The following NECTIN1 variants were observed in gnomAD, a reference collection of about 807,000 sequenced individuals.
The protein encoded by NECTIN1 is nectin cell adhesion molecule 1.
In NECTIN1, 23 loss-of-function variants were observed where a neutral mutation model predicts 48.0. That is an observed-to-expected ratio of 0.48 (90% CI 0.34 to 0.68). NECTIN1 has a LOEUF of 0.68. Among genes scored for constraint, NECTIN1 ranks in the 30% least tolerant of loss-of-function variants. The pLI, the probability that NECTIN1 is intolerant of heterozygous loss-of-function variation, is 0.01. For missense variants in NECTIN1, 591 were observed against 709.9 expected (o/e 0.83, Z 1.90); for synonymous variants, 270 against 288.9 (o/e 0.93, Z 0.66).
At chr11:119,642,261 G>C (rs1439091557) in intron 5 of NECTIN1, 1 of 152,086 alleles carries the variant, frequency 6.6e-6, no homozygotes, top group Non-Finnish European at 1.5e-5. Context: ...TGGATGCTAC[G>C]AATTCAGTTT....
downstream of NECTIN1, among the ~76,000 whole-genome samples, chr11:119,658,581 A>C (rs1864613089): frequency 6.6e-6 from 1 of 152,082 alleles, no homozygotes; most frequent in Non-Finnish European, 1.5e-5. Flanking sequence ...TCCTCCTCCA[A>C]CTTTCCCACC....
chr11:119,689,060 G>A (rs567607022), intron 1 of NECTIN1, among the ~76,000 whole-genome samples: 4 of 152,212 alleles, frequency 2.6e-5, no homozygotes, highest in African/African-American at 9.6e-5. Context: ...GTCAGGCAGC[G>A]TCTTCCTTCG....
At chr11:119,702,192 G>A (rs1337186931) in intron 1 of NECTIN1, among the ~76,000 whole-genome samples, 1 of 152,116 alleles carries the variant, frequency 6.6e-6, no homozygotes, top group African/African-American at 2.4e-5. Flanking sequence ...GGTCATCCTG[G>A]ACCTCCCCCT....
At chr11:119,694,325 G>A (rs533401547) in intron 1 of NECTIN1, among the ~76,000 whole-genome samples, 79 of 152,300 alleles carry the variant, frequency 5.2e-4, no homozygotes, top group Admixed American at 2.2e-3. Context: ...GTGTGATCAT[G>A]GCCCAGGAGC....
chr11:119,705,169 C>G (rs1591478546), intron 1 of NECTIN1, among the ~76,000 whole-genome samples: 1 of 152,122 alleles, frequency 6.6e-6, no homozygotes, highest in Non-Finnish European at 1.5e-5. Flanking sequence ...CCTTCATGAG[C>G]AGGAATTTCA....
intron 1 of NECTIN1, among the ~76,000 whole-genome samples, chr11:119,722,945 C>T (rs759396400): frequency 1.2e-4 from 19 of 152,180 alleles, no homozygotes; most frequent in Non-Finnish European, 2.2e-4. Flanking sequence ...TCTGTATTAA[C>T]AAAAACCTAT....
At chr11:119,718,692 G>A (rs988589423) in intron 1 of NECTIN1, among the ~76,000 whole-genome samples, 2 of 152,114 alleles carry the variant, frequency 1.3e-5, no homozygotes, top group Non-Finnish European at 2.9e-5. Context: ...GTGTGTGAGG[G>A]GGCCCAAATG....
At chr11:119,649,533 C>CA in intron 5 of NECTIN1, among the ~76,000 whole-genome samples, 1 of 151,970 alleles carries the variant, frequency 6.6e-6, no homozygotes, top group East Asian at 1.9e-4. Flanking sequence ...ACTAAAAATA[C>CA]AAAAAAATTA....
At position 119,678,362 on chromosome 11, in the gene NECTIN1, C is replaced by T. The variant is rs116878689; in HGVS notation, c.430+53G>A. ...TTGAGGCATCCTGAGGATGGCCACG[C>T]CCCGAGGTCACAGGCCTCTGGATGA... On this transcript the variant is annotated intron_variant, in intron 2 of 5. Transcript: ENST00000264025. The surrounding 1 kb of genome is among the most constrained non-coding windows in gnomAD (Gnocchi z 4.4). 1 of 1,526,066 alleles carries T rather than the reference C, an allele frequency of 6.6e-7. No homozygotes were observed. The highest frequency in any genetic ancestry group is 1.1e-5 in the South Asian group (1 of 89,290). 94.5% of individuals were successfully genotyped at this position (1,526,066 alleles called of 1,614,324 possible).
chr11:119,654,869 C>T (rs1187829775), intron 5 of NECTIN1, among the ~76,000 whole-genome samples: 1 of 150,480 alleles, frequency 6.6e-6, no homozygotes, highest in Non-Finnish European at 1.5e-5. Context: ...GTGCCCGGCC[C>T]AGGGACTTTT....
At position 119,677,947 on chromosome 11, in the gene NECTIN1, G is replaced by A; in HGVS notation, c.431-90C>T. ...AAGGGCGTGGCATCCGTCAGGCCTT[G>A]TCTTCAGGTCCCCTTGGCCATCCCT... On this transcript the variant is annotated intron_variant, in intron 2 of 5. Transcript: ENST00000264025. The surrounding 1 kb of genome is among the most constrained non-coding windows in gnomAD (Gnocchi z 5.4). The A allele has an allele frequency of 7.6e-7, 1 of 1,320,664 alleles. No homozygotes were observed. Among genetic ancestry groups the A allele is most frequent in the Non-Finnish European group, 1.1e-6 (1 of 933,360 alleles). 81.8% of individuals were successfully genotyped at this position (1,320,664 alleles called of 1,614,324 possible).
intron 5 of NECTIN1, among the ~76,000 whole-genome samples, chr11:119,649,616 G>A (rs1015400985): frequency 5.9e-5 from 9 of 152,142 alleles, no homozygotes; most frequent in African/African-American, 1.9e-4. Flanking sequence ...CTTGAACCCT[G>A]GAGGCGGAGG....
At chr11:119,659,872 ATTAAC>A (rs1864632143), downstream of NECTIN1, among the ~76,000 whole-genome samples, 1 of 152,252 alleles carries the variant, frequency 6.6e-6, no homozygotes, top group Admixed American at 6.5e-5. Context: ...CAAATTAAAA[ATTAAC>A]TTAAACGGAC....
rs747704881 is a variant in NECTIN1 at position 119,677,209 on chromosome 11, C to T, written c.744G>A (p.Glu248=). ...TGCCATCAAACCCCTCAATGGTTAC[C>T]TCAGGCTCATCTGTGGGGCAAGGGA... ...SLTLNVQYEP[E]VTIEGFDGNW... is the part of the protein sequence containing the mutation. Residue 248 remains glutamate (E), a synonymous_variant, in exon 4 of 6, where the codon GAG becomes GAA. Coordinates refer to ENST00000264025, the MANE Select transcript of NECTIN1 (RefSeq NM_002855.5). This position sits in a 1 kb window ranked among gnomAD's most constrained non-coding sequence, Gnocchi z 5.4. 13 of 1,613,886 alleles carry T rather than the reference C, an allele frequency of 8.1e-6. No homozygotes were observed. In the East Asian group the frequency reaches 2.7e-4, roughly 33 times the overall value.
rs1865096449 is a variant in NECTIN1 at position 119,683,502 on chromosome 11, G to A, written c.80-4737C>T. ...AAACACCAGCTACAATACTGGGGTG[G>A]CCATTGCATCTGCAGGTCACCTGAC... is the stretch of plus-strand genomic sequence containing the variant. On this transcript the variant is annotated intron_variant, in intron 1 of 5. Coordinates refer to ENST00000264025, the MANE Select transcript of NECTIN1 (RefSeq NM_002855.5). This position sits in a 1 kb window ranked among gnomAD's most constrained non-coding sequence, Gnocchi z 4.0. 6.6e-6 allele frequency among the ~76,000 whole-genome samples: 1 copy of A among 152,016 alleles called. No individual in the cohort carries two copies. The highest frequency in any genetic ancestry group is 1.5e-5 in the Non-Finnish European group (1 of 68,010).
At position 119,662,497 on chromosome 11, in the gene NECTIN1, A is replaced by T; in HGVS notation, c.*2250T>A. 3 of 985,836 alleles carry T rather than the reference A, an allele frequency of 3.0e-6. No individual in the cohort carries two copies. Among genetic ancestry groups the T allele is most frequent in the Non-Finnish European group, 3.6e-6 (3 of 830,006 alleles). 61.1% of individuals were successfully genotyped at this position (985,836 alleles called of 1,614,324 possible). A position where few individuals can be genotyped will look rare whatever the true frequency, so the allele number is the denominator to read the frequency against. Reference sequence around the variant, plus strand: ...GTGGAGGTGTCTTAAGGGGGAACTCAGTGCTTTGGCTGGGCTTGGGGCCTT... The same window carrying T: ...GTGGAGGTGTCTTAAGGGGGAACTCTGTGCTTTGGCTGGGCTTGGGGCCTT... On this transcript the variant is annotated 3_prime_UTR_variant, in exon 6 of 6. Transcript: ENST00000264025. The surrounding 1 kb of genome is among the most constrained non-coding windows in gnomAD (Gnocchi z 5.3).
At chr11:119,679,029 T>A (rs975261322) in intron 1 of NECTIN1, among the ~76,000 whole-genome samples, 1 of 152,268 alleles carries the variant, frequency 6.6e-6, no homozygotes, top group African/African-American at 2.4e-5. Flanking sequence ...TATATCCACA[T>A]AACCATCTAT....
rs534610190 is a variant in NECTIN1 at position 119,648,512 on chromosome 11, G to T, written c.1004-8500C>A. On this transcript the variant is annotated intron_variant, in intron 5 of 7. Transcript: ENST00000341398. Reference sequence around the variant, plus strand: ...GCAGGATACTTCATCACCCACCATGGCTGAGACCTCCTGGAGCCACTGTCC... The same window carrying T: ...GCAGGATACTTCATCACCCACCATGTCTGAGACCTCCTGGAGCCACTGTCC... Among the ~76,000 whole-genome samples the T allele has an allele frequency of 4.7e-5, 7 of 148,304 alleles. No individual in the cohort carries two copies. The South Asian group carries it at 1.5e-3, about 33-fold the overall frequency.
chr11:119,702,147 CTG>C (rs1175517451), intron 1 of NECTIN1, among the ~76,000 whole-genome samples: 1 of 152,190 alleles, frequency 6.6e-6, no homozygotes, highest in African/African-American at 2.4e-5. Flanking sequence ...TGTTTTTGAT[CTG>C]TGTGATGTGA....
Sources: allele counts gnomAD v4.1 joint callset (sites outside exome capture counted in the v4.1 genomes callset), GRCh38; gene constraint gnomAD v4.1.1; non-coding constraint Gnocchi (gnomAD v3.1); transcripts MANE v1.5; gene names NCBI Gene and HGNC (gene_info 2026-07-23, HGNC 2026-07-21).